FYB2: variants seen among roughly 807,000 people sequenced by gnomAD.
The protein encoded by FYB2 is FYN binding protein 2, also known as FYN-binding protein 2.
FYB2 carries 103 observed loss-of-function variants against 94.1 expected under a neutral mutation model. That is an observed-to-expected ratio of 1.09 (90% CI 0.93 to 1.29). The LOEUF (loss-of-function observed/expected upper bound fraction) is 1.29. Ranked by LOEUF, FYB2 falls within the 50% of genes most tolerant of loss-of-function variation. FYB2 has a pLI of 0.00. For missense variants in FYB2, 896 were observed against 841.5 expected (o/e 1.06, Z -0.80); for synonymous variants, 293 against 287.9 (o/e 1.02, Z -0.18).
At chr1:56,726,667 T>A (rs1644589807) in intron 15 of FYB2, 84 bp from the exon 16 acceptor site, 3 of 1,145,168 alleles carry the variant, frequency 2.6e-6, no homozygotes, top group Admixed American at 5.0e-5. Context: ...GGCAATTATG[T>A]TTTACAAAAA....
intron 15 of FYB2, among the ~76,000 whole-genome samples, chr1:56,726,888 T>C (rs1379324267): frequency 1.3e-5 from 2 of 152,012 alleles, no homozygotes; most frequent in Non-Finnish European, 2.9e-5. Flanking sequence ...TGAATCCAGA[T>C]GCAAGAGATC....
intron 9 of FYB2, among the ~76,000 whole-genome samples, chr1:56,747,206 T>C (rs1213904883): frequency 5.3e-5 from 8 of 151,940 alleles, no homozygotes; most frequent in Non-Finnish European, 1.5e-5. Context: ...ATGTAAATAA[T>C]GGAAATATCT....
At position 56,742,890 on chromosome 1, in the gene FYB2, G is replaced by C. The variant is rs538048176; in HGVS notation, c.1544-669C>G. Among the ~76,000 whole-genome samples the C allele has an allele frequency of 3.9e-5, 6 of 152,002 alleles. No homozygotes were observed. The East Asian group carries it at 7.8e-4, about 20-fold the overall frequency. ...ACTTCTGAGATTCTAAGATCAATCA[G>C]AGTAACATTTGATTCTCTCCACTCC... On this transcript the variant is annotated intron_variant, in intron 11 of 19. Coordinates refer to ENST00000343433, the MANE Select transcript of FYB2 (RefSeq NM_001004303.5).
At position 56,792,179 on chromosome 1, in the gene FYB2, C is replaced by T. The variant is rs1377467843; in HGVS notation, c.634G>A (p.Asp212Asn). The T allele has an allele frequency of 1.9e-6, 3 of 1,613,924 alleles. No homozygotes were observed. The highest frequency in any genetic ancestry group is 1.6e-4 in the Middle Eastern group (1 of 6,084). ...TGTTGAGAAATTACAAAAGAGGGAT[C>T]TTCAGAGACGTTATGTAATATTTTG... Reference protein sequence around the residue: ...APKILHNVSEDPSFVISQHIR... With the variant: ...APKILHNVSENPSFVISQHIR... The change falls in exon 2 of 20, where the codon GAT (aspartate) becomes AAT (asparagine). Residue 212 changes from aspartate to asparagine, a missense_variant. By Grantham distance (23) the Asp-to-Asn change is conservative. Transcript: ENST00000343433.
At chr1:56,785,822 G>A (rs1434892319) in intron 4 of FYB2, among the ~76,000 whole-genome samples, 1 of 152,132 alleles carries the variant, frequency 6.6e-6, no homozygotes, top group African/African-American at 2.4e-5. Flanking sequence ...CCTCTTCGGG[G>A]ATAGGTTGAC....
chr1:56,802,215 A>G (rs967443619), intron 1 of FYB2, among the ~76,000 whole-genome samples: 1 of 152,080 alleles, frequency 6.6e-6, no homozygotes, highest in Non-Finnish European at 1.5e-5. Flanking sequence ...ATCATATTCT[A>G]TCTTATCATA....
intron 1 of FYB2, among the ~76,000 whole-genome samples, chr1:56,809,361 T>A (rs1406413931): frequency 6.6e-6 from 1 of 152,186 alleles, no homozygotes; most frequent in Non-Finnish European, 1.5e-5. Flanking sequence ...CCTCTGAATT[T>A]TTTTTTCTCT....
At chr1:56,762,165 C>A (rs1005404194) in intron 5 of FYB2, among the ~76,000 whole-genome samples, 1 of 152,088 alleles carries the variant, frequency 6.6e-6, no homozygotes. Context: ...TATACTAATG[C>A]CTCCCTTTTA....
At chr1:56,786,863 G>C (rs1377064479) in intron 4 of FYB2, among the ~76,000 whole-genome samples, 7 of 152,164 alleles carry the variant, frequency 4.6e-5, no homozygotes, top group Admixed American at 3.9e-4. Context: ...CAGCTGCCCA[G>C]AGCATTCTTT....
At chr1:56,763,371 A>T (rs1043545300) in intron 5 of FYB2, among the ~76,000 whole-genome samples, 10 of 152,154 alleles carry the variant, frequency 6.6e-5, no homozygotes, top group African/African-American at 1.9e-4. Flanking sequence ...TTTTCAGGGA[A>T]ATCACCTGAC....
chr1:56,762,152 T>C (rs186123392), intron 5 of FYB2: 39 of 152,358 alleles, frequency 2.6e-4, no homozygotes, highest in African/African-American at 7.7e-4. Flanking sequence ...TTCTTAAAAC[T>C]GATATACTAA....
intron 16 of FYB2, 38 bp downstream of exon 16, chr1:56,726,459 G>A (rs771639329): frequency 3.2e-6 from 5 of 1,561,222 alleles, no homozygotes; most frequent in Non-Finnish European, 4.4e-6. Flanking sequence ...ATAAATTGCA[G>A]CAGATAAGCT....
Position 56,792,682 on chromosome 1 carries a change from T to G in FYB2, c.131A>C (p.Gln44Pro), listed in dbSNP as rs1389192016. The G allele has an allele frequency of 1.2e-6, 2 of 1,614,028 alleles. No individual in the cohort carries two copies. Among genetic ancestry groups the G allele is most frequent in the Non-Finnish European group, 8.5e-7 (1 of 1,180,032 alleles). The change falls in exon 2 of 20, where the codon CAG (glutamine) becomes CCG (proline). Residue 44 changes from glutamine (Q) to proline (P), a missense_variant. Transcript: ENST00000343433. ...CCCATTGGCCAAAATTTGAGTTGACTGTGTGCCTCCAATGTCACCCTTTGG... is the reference window on the plus strand; with the variant it reads ...CCCATTGGCCAAAATTTGAGTTGACGGTGTGCCTCCAATGTCACCCTTTGG... The part of the protein sequence containing the change: ...VSPKGDIGGT[Q>P]STQILANGKP...
intron 1 of FYB2, among the ~76,000 whole-genome samples, chr1:56,808,638 G>A (rs1362691408): frequency 6.6e-6 from 1 of 152,176 alleles, no homozygotes; most frequent in Non-Finnish European, 1.5e-5. Context: ...CTGCAGCCTA[G>A]CTGGTTTCTT....
At chr1:56,821,161 G>A (rs150989119), upstream of FYB2, among the ~76,000 whole-genome samples, 1 of 152,162 alleles carries the variant, frequency 6.6e-6, no homozygotes, top group African/African-American at 2.4e-5. Flanking sequence ...AGCCCTCCCC[G>A]CAGTCCCAAC....
At position 56,762,420 on chromosome 1, in the gene FYB2, G is replaced by C. The variant is rs1645518742; in HGVS notation, c.1064-3670C>G. On this transcript the variant is annotated intron_variant, in intron 5 of 19. Coordinates refer to ENST00000343433, the MANE Select transcript of FYB2 (RefSeq NM_001004303.5). ...TCTTTGATTTAATCAGAATTTTATA[G>C]CTTTAAGCTTTTAGGCCTTATCATG... Among the ~76,000 whole-genome samples, 3 of 152,034 alleles carry C rather than the reference G, an allele frequency of 2.0e-5. No homozygotes were observed. The South Asian group carries it at 6.2e-4, about 32-fold the overall frequency.
At chr1:56,723,508 G>A in intron 17 of FYB2, 80 bp downstream of exon 17, 1 of 751,166 alleles carries the variant, frequency 1.3e-6, no homozygotes, top group Non-Finnish European at 2.1e-6. Context: ...CAGAGGCACA[G>A]CATACTTACA....
At chr1:56,745,813 T>C (rs932935193) in intron 9 of FYB2, among the ~76,000 whole-genome samples, 35 of 152,124 alleles carry the variant, frequency 2.3e-4, no homozygotes, top group African/African-American at 8.4e-4. Context: ...AAGTCCCTTG[T>C]TATTTCTGTG....
chr1:56,807,285 C>G (rs1398570338), intron 1 of FYB2, among the ~76,000 whole-genome samples: 1 of 152,152 alleles, frequency 6.6e-6, no homozygotes, highest in Admixed American at 6.5e-5. Flanking sequence ...TACTCCACAG[C>G]TATGATGTAA....
Sources: allele counts gnomAD v4.1 joint callset (sites outside exome capture counted in the v4.1 genomes callset), GRCh38; gene constraint gnomAD v4.1.1; transcripts MANE v1.5; gene names NCBI Gene and HGNC (gene_info 2026-07-23, HGNC 2026-07-21).